Variants in TRMT2B observed in about 807,000 individuals in gnomAD.
TRMT2B encodes the protein tRNA (uracil-5-)-methyltransferase homolog B.
In TRMT2B, 34 loss-of-function variants were observed where a neutral mutation model predicts 39.7. The observed-to-expected ratio is 0.86, with a 90% CI of 0.65 to 1.14. TRMT2B has a LOEUF of 1.14. Among genes scored for constraint, TRMT2B ranks in the 50% most tolerant of loss-of-function variants. The probability of loss-of-function intolerance (pLI) is 0.00; values close to 1 mark genes in which losing one functional copy is unlikely to be tolerated. For missense variants in TRMT2B, 318 were observed against 377.2 expected, an observed-to-expected ratio of 0.84 and a Z score of 1.30; for synonymous variants, 132 against 137.3, an observed-to-expected ratio of 0.96 and a Z score of 0.27.
rs766086166 is a variant in TRMT2B, at chrX:101,042,292, AAAG to A, written c.-6_-4del. ...ACTCTTCTCTTAAGGCCTGCCATCCAAAGAACACACTGAAATCCACCTGCATGA... is the reference window on the plus strand; with the variant it reads ...ACTCTTCTCTTAAGGCCTGCCATCCAAACACACTGAAATCCACCTGCATGA... On this transcript the variant is annotated 5_prime_UTR_variant, in exon 3 of 14. Transcript: ENST00000372936. 19 of 1,206,086 alleles carry A rather than the reference AAAG, an allele frequency of 1.6e-5. No individual in the cohort carries two copies. Among genetic ancestry groups the A allele is most frequent in the Admixed American group, 2.2e-5 (1 of 45,412 alleles).
chrX:101,038,282 C>T (rs957532739), intron 4 of TRMT2B, among the ~76,000 whole-genome samples: 2 of 100,456 alleles, frequency 2.0e-5, no homozygotes, highest in East Asian at 3.1e-4. Context: ...GCAGGAGATT[C>T]GCTTGAACCC....
the TRMT2B span, among the ~76,000 whole-genome samples, chrX:100,992,560 AAC>A: frequency 9.0e-6 from 1 of 111,088 alleles, no homozygotes; most frequent in South Asian, 3.8e-4. Context: ...CAGCCTGGGC[AAC>A]AGAGTAAGAT....
the TRMT2B span, among the ~76,000 whole-genome samples, chrX:100,981,683 C>CCTGT: frequency 3.5e-4 from 38 of 107,626 alleles, no homozygotes; most frequent in Admixed American, 3.7e-3. Flanking sequence ...GTGACACATG[C>CCTGT]CTGTAATCCC....
At position 101,018,865 on chromosome X, in the gene TRMT2B, C is replaced by T. The variant is rs921925629; in HGVS notation, c.1388+106G>A. 3 of 580,982 alleles carry T rather than the reference C, an allele frequency of 5.2e-6. No individual in the cohort carries two copies. The African/African-American group carries it at 6.8e-5, about 13-fold the overall frequency. 47.9% of individuals were successfully genotyped at this position (580,982 alleles called of 1,213,427 possible). A position where few individuals can be genotyped will look rare whatever the true frequency, so the allele number is the denominator to read the frequency against. ...TTTTTTTTGTTTCAGTTTCTTTACA[C>T]TTCTAATGACTTGAAAGCTCAAATC... On this transcript the variant is annotated intron_variant, in intron 13 of 13. Coordinates refer to ENST00000372936, the MANE Select transcript of TRMT2B (RefSeq NM_024917.6).
At chrX:100,988,615 T>C in the TRMT2B span, 1 of 847,202 alleles carries the variant, frequency 1.2e-6, no homozygotes, top group Non-Finnish European at 1.5e-6. Flanking sequence ...CCTAACAATT[T>C]CTACAATAGT....
intron 7 of TRMT2B, among the ~76,000 whole-genome samples, chrX:101,027,975 C>CT (rs924661612): frequency 1.8e-5 from 2 of 109,659 alleles, no homozygotes; most frequent in African/African-American, 6.7e-5. Context: ...AAATTTGCAC[C>CT]TGTTTTTATG....
At chrX:101,022,788 C>G (rs1173266791) in intron 8 of TRMT2B, among the ~76,000 whole-genome samples, 2 of 111,149 alleles carry the variant, frequency 1.8e-5, no homozygotes, top group African/African-American at 6.5e-5. Context: ...CAGAGTGAGA[C>G]ACTGTCTCAA....
Position 101,051,821 on chromosome X carries a change from G to T in TRMT2B, c.-511C>A. 1 of 467,811 alleles carries T rather than the reference G, an allele frequency of 2.1e-6. No individual in the cohort carries two copies. Among genetic ancestry groups the T allele is most frequent in the Non-Finnish European group, 2.7e-6 (1 of 377,189 alleles). The allele number at this position is 467,811 out of a possible 1,213,427, so 38.6% of individuals were successfully genotyped here. A position where few individuals can be genotyped will look rare whatever the true frequency, so the allele number is the denominator to read the frequency against. On this transcript the variant is annotated 5_prime_UTR_variant, in exon 1 of 14. Transcript: ENST00000372936. Reference sequence around the variant, plus strand: ...CCAATAAATCCTCTTACAAACCTGAGGCGGCAAACTAAAAGGCCAGCGGAT... The same window carrying T: ...CCAATAAATCCTCTTACAAACCTGATGCGGCAAACTAAAAGGCCAGCGGAT...
chrX:100,991,654 A>G, the TRMT2B span, among the ~76,000 whole-genome samples: 136 of 112,096 alleles, frequency 1.2e-3, no homozygotes, highest in African/African-American at 3.9e-3. Context: ...GATTACAGGC[A>G]TGAGCCACCG....
intron 4 of TRMT2B, among the ~76,000 whole-genome samples, chrX:101,038,542 A>C (rs1364710303): frequency 9.0e-6 from 1 of 110,732 alleles, no homozygotes; most frequent in African/African-American, 3.3e-5. Flanking sequence ...GGTAATGAGG[A>C]AAGGTCAAGA....
chrX:101,022,478 G>A (rs1456279217), intron 8 of TRMT2B, among the ~76,000 whole-genome samples: 6 of 110,860 alleles, frequency 5.4e-5, no homozygotes, highest in Non-Finnish European at 9.4e-5. Flanking sequence ...AAAATTAGCC[G>A]GGCGTGCTGG....
chrX:100,997,673 TCA>T, the TRMT2B span, among the ~76,000 whole-genome samples: 1 of 111,869 alleles, frequency 8.9e-6, no homozygotes. Context: ...AGACGCCTCA[TCA>T]CAGTTATTTT....
the TRMT2B span, among the ~76,000 whole-genome samples, chrX:100,992,612 G>A: frequency 2.7e-5 from 3 of 111,531 alleles, no homozygotes; most frequent in Non-Finnish European, 3.8e-5. Flanking sequence ...ATCCATGCCC[G>A]TGTCAGGAGA....
chrX:100,973,744 C>A, the TRMT2B span: 1 of 1,209,793 alleles, frequency 8.3e-7, no homozygotes, highest in East Asian at 3.0e-5. Flanking sequence ...AGAAGAGACA[C>A]GAAGGTAATA....
chrX:101,035,492 G>T, intron 7 of TRMT2B, 121 bp downstream of exon 7: 1 of 619,925 alleles, frequency 1.6e-6, no homozygotes, highest in Non-Finnish European at 2.7e-6. Flanking sequence ...TATGCTTTCA[G>T]TACAGAGCCC....
the TRMT2B span, chrX:100,987,645 G>C: frequency 9.6e-7 from 1 of 1,038,220 alleles, no homozygotes; most frequent in African/African-American, 1.9e-5. Context: ...GAGGTGCTTG[G>C]ATCCTGGGTG....
rs185980029 is a variant in TRMT2B, at chrX:101,026,843, C to G, written c.610-3227G>C. On this transcript the variant is annotated intron_variant, in intron 7 of 13. Coordinates refer to ENST00000372936, the MANE Select transcript of TRMT2B (RefSeq NM_024917.6). ...TTCTCCCTTCTCTCTCCTGCACCAT[C>G]ATTGCCTTCGCTCAGTACTGGATCA... is the stretch of plus-strand genomic sequence containing the variant. Among the ~76,000 whole-genome samples, 292 of 111,850 alleles carry G rather than the reference C, an allele frequency of 2.6e-3. 3 individuals carry two copies. Among genetic ancestry groups the G allele is most frequent in the African/African-American group, 9.0e-3 (279 of 30,870 alleles).
At chrX:101,044,659 C>T (rs951014982) in intron 2 of TRMT2B, among the ~76,000 whole-genome samples, 1 of 109,900 alleles carries the variant, frequency 9.1e-6, no homozygotes, top group Non-Finnish European at 1.9e-5. Flanking sequence ...AGTTCGAGAC[C>T]AGAAACCCCG....
Position 101,021,192 on chromosome X carries a change from G to A in TRMT2B, c.975C>T (p.Asn325=), listed in dbSNP as rs2086786128. The A allele has an allele frequency of 8.3e-7, 1 of 1,209,460 alleles. No homozygotes were observed. Among genetic ancestry groups the A allele is most frequent in the African/African-American group, 1.8e-5 (1 of 57,135 alleles). Residue 325 remains asparagine (N), a synonymous_variant, in exon 10 of 14, where the codon AAC becomes AAT. Coordinates refer to ENST00000372936, the MANE Select transcript of TRMT2B (RefSeq NM_024917.6). The part of the protein sequence containing the change: ...RISPDAFFQI[N]TAGAEMLYRT... ...GATACAGCATCTCTGCACCAGCTGT[G>A]TTAATCTGGAAAAAGGCATCTGGAG... is the stretch of plus-strand genomic sequence containing the variant.
Sources: allele counts gnomAD v4.1 joint callset (sites outside exome capture counted in the v4.1 genomes callset), GRCh38; gene constraint gnomAD v4.1.1; transcripts MANE v1.5; gene names NCBI Gene and HGNC (gene_info 2026-07-23, HGNC 2026-07-21).